TMEM232: variants seen among roughly 807,000 people sequenced by gnomAD.
The protein encoded by TMEM232 is transmembrane protein 232.
Under a neutral mutation model 78.8 loss-of-function variants are expected in TMEM232, and 80 were observed. The ratio of observed to expected loss-of-function variants is 1.01; its 90% CI spans 0.85 to 1.22. The LOEUF (loss-of-function observed/expected upper bound fraction) is 1.22, where lower values mean the gene tolerates loss of function less well. Among genes scored for constraint, TMEM232 ranks in the 50% most tolerant of loss-of-function variants. The pLI, the probability that TMEM232 is intolerant of heterozygous loss-of-function variation, is 0.00. For missense variants in TMEM232, 881 were observed against 742.2 expected (o/e 1.19, Z -2.17); for synonymous variants, 297 against 254.3 (o/e 1.17, Z -1.60).
intron 12 of TMEM232, among the ~76,000 whole-genome samples, chr5:110,482,465 C>T (rs1561550520): frequency 6.6e-6 from 1 of 151,852 alleles, no homozygotes; most frequent in Non-Finnish European, 1.5e-5. Context: ...CTTATAATCC[C>T]AGCTACTCGG....
At chr5:110,642,599 C>T (rs879749936) in intron 2 of TMEM232, among the ~76,000 whole-genome samples, 11 of 152,200 alleles carry the variant, frequency 7.2e-5, no homozygotes, top group East Asian at 3.9e-4. Flanking sequence ...AAGACCTTTG[C>T]GGCCCCTGAG....
chr5:110,705,174 C>T (rs995168873), intron 1 of TMEM232, among the ~76,000 whole-genome samples: 7 of 152,102 alleles, frequency 4.6e-5, no homozygotes, highest in African/African-American at 1.7e-4. Context: ...TGCACTCCTG[C>T]TATAAATGCC....
intron 10 of TMEM232, among the ~76,000 whole-genome samples, chr5:110,600,526 T>C (rs1275917829): frequency 6.6e-6 from 1 of 152,190 alleles, no homozygotes; most frequent in Non-Finnish European, 1.5e-5. Context: ...CAGAGAATAC[T>C]ATAAACACCT....
At chr5:110,455,168 C>A (rs1561516322) in intron 12 of TMEM232, among the ~76,000 whole-genome samples, 3 of 151,952 alleles carry the variant, frequency 2.0e-5, no homozygotes, top group Admixed American at 6.6e-5. Context: ...TTAAATCCTT[C>A]CAAGAAAAAA....
intron 10 of TMEM232, among the ~76,000 whole-genome samples, chr5:110,594,576 G>A (rs1779922491): frequency 6.6e-6 from 1 of 152,170 alleles, no homozygotes; most frequent in African/African-American, 2.4e-5. Context: ...CTTGCTGCCA[G>A]CACAGCAGTC....
intron 1 of TMEM232, among the ~76,000 whole-genome samples, chr5:110,688,071 T>G (rs1793646686): frequency 6.8e-6 from 1 of 147,854 alleles, no homozygotes; most frequent in South Asian, 2.2e-4. Context: ...CTTCATGGTT[T>G]GTACTTCTCT....
intron 6 of TMEM232, among the ~76,000 whole-genome samples, chr5:110,627,157 T>C (rs1246769553): frequency 6.6e-6 from 1 of 152,044 alleles, no homozygotes; most frequent in Non-Finnish European, 1.5e-5. Context: ...CTTAATTCTA[T>C]TACTCAACAT....
At chr5:110,676,376 C>T (rs1002493497) in intron 1 of TMEM232, among the ~76,000 whole-genome samples, 1 of 151,498 alleles carries the variant, frequency 6.6e-6, no homozygotes, top group Non-Finnish European at 1.5e-5. Context: ...TACATTGACA[C>T]CAGTAGTGTA....
At chr5:110,600,831 T>G (rs962295889) in intron 10 of TMEM232, among the ~76,000 whole-genome samples, 1 of 152,166 alleles carries the variant, frequency 6.6e-6, no homozygotes, top group African/African-American at 2.4e-5. Context: ...ATCATCCTGA[T>G]AGCAAAACTT....
intron 5 of TMEM232, among the ~76,000 whole-genome samples, chr5:110,629,566 C>T (rs971935408): frequency 3.3e-5 from 5 of 152,010 alleles, no homozygotes; most frequent in Non-Finnish European, 7.4e-5. Flanking sequence ...TTAATTTCTG[C>T]TTGTCAGTTT....
intron 11 of TMEM232, among the ~76,000 whole-genome samples, chr5:110,530,776 C>G (rs1376709818): frequency 6.6e-6 from 1 of 152,106 alleles, no homozygotes; most frequent in Non-Finnish European, 1.5e-5. Context: ...GAAATAAATT[C>G]AAGAGCTCTA....
chr5:110,609,957 T>C (rs537795127), intron 8 of TMEM232, among the ~76,000 whole-genome samples: 1 of 152,106 alleles, frequency 6.6e-6, no homozygotes, highest in South Asian at 2.1e-4. Flanking sequence ...AAGTTATTTT[T>C]ACAAGACATT....
chr5:110,614,980 A>G (rs539094331), intron 8 of TMEM232, among the ~76,000 whole-genome samples: 1 of 152,100 alleles, frequency 6.6e-6, no homozygotes, highest in South Asian at 2.1e-4. Flanking sequence ...TTTCATATTT[A>G]TAAATACTAT....
At chr5:110,392,377 G>C (rs1755231505) in intron 3 of TMEM232, among the ~76,000 whole-genome samples, 2 of 152,124 alleles carry the variant, frequency 1.3e-5, no homozygotes, top group Non-Finnish European at 2.9e-5. Flanking sequence ...TTTGGTAGAA[G>C]GAAAAAAATT....
intron 12 of TMEM232, among the ~76,000 whole-genome samples, chr5:110,455,415 T>C (rs1395042603): frequency 6.6e-6 from 1 of 151,872 alleles, no homozygotes; most frequent in Non-Finnish European, 1.5e-5. Flanking sequence ...TCTTGCTGTG[T>C]TGCCCAGGCT....
At chr5:110,610,774 G>T (rs1782173972) in intron 8 of TMEM232, among the ~76,000 whole-genome samples, 1 of 151,976 alleles carries the variant, frequency 6.6e-6, no homozygotes, top group Non-Finnish European at 1.5e-5. Flanking sequence ...AATTTGAAGG[G>T]GGAATTAAAC....
intron 12 of TMEM232, among the ~76,000 whole-genome samples, chr5:110,504,516 G>A (rs1006921912): frequency 6.6e-6 from 1 of 152,200 alleles, no homozygotes; most frequent in Non-Finnish European, 1.5e-5. Flanking sequence ...TCATGTGATT[G>A]TAGAGGCTGC....
intron 12 of TMEM232, among the ~76,000 whole-genome samples, chr5:110,495,291 A>G (rs538004492): frequency 2.6e-5 from 4 of 152,010 alleles, no homozygotes; most frequent in African/African-American, 9.6e-5. Context: ...GTATACTGCA[A>G]TCACCTAAGG....
At chr5:110,568,997 A>T (rs1776632353) in intron 10 of TMEM232, among the ~76,000 whole-genome samples, 1 of 151,900 alleles carries the variant, frequency 6.6e-6, no homozygotes, top group Non-Finnish European at 1.5e-5. Context: ...TTTATAATAA[A>T]GTAGAGAAAC....
Sources: gnomAD v4.1 joint callset for allele counts (sites outside exome capture counted in the v4.1 genomes callset) on GRCh38, gnomAD v4.1.1 for gene constraint, MANE v1.5 for transcripts, NCBI Gene and HGNC (gene_info 2026-07-23, HGNC 2026-07-21) for gene names.